The following FHIT variants were observed in gnomAD, a reference collection of about 807,000 sequenced individuals.
FHIT encodes bis(5'-adenosyl)-triphosphatase.
FHIT carries 19 observed loss-of-function variants against 17.9 expected under a neutral mutation model. The ratio of observed to expected loss-of-function variants is 1.06; its 90% CI spans 0.74 to 1.56. FHIT has a LOEUF of 1.56. FHIT is among the 40% of genes most tolerant of loss of function. The pLI is 0.00. For synonymous variants in FHIT, 81 were observed against 69.7 expected, an observed-to-expected ratio of 1.16 and a Z score of -0.81; for missense variants, 248 against 189.2, an observed-to-expected ratio of 1.31 and a Z score of -1.82.
chr3:60,079,072 G>C (rs943724590), intron 5 of FHIT, among the ~76,000 whole-genome samples: 1 of 152,120 alleles, frequency 6.6e-6, no homozygotes, highest in Non-Finnish European at 1.5e-5. Flanking sequence ...TGACTTCACA[G>C]GGTGATCGGG....
intron 8 of FHIT, among the ~76,000 whole-genome samples, chr3:59,849,061 T>C (rs1032911511): frequency 2.6e-4 from 40 of 152,146 alleles, no homozygotes; most frequent in African/African-American, 9.4e-4. Context: ...CTAATGTATA[T>C]AGTTGTTTGT....
At chr3:61,050,424 ACAAAACCAT>A (rs2033983091) in intron 2 of FHIT, among the ~76,000 whole-genome samples, 1 of 152,204 alleles carries the variant, frequency 6.6e-6, no homozygotes, top group South Asian at 2.1e-4. Flanking sequence ...TCTGACTTGA[ACAAAACCAT>A]CAACAAAAGA....
At chr3:60,435,999 T>C (rs2030202295) in intron 5 of FHIT, among the ~76,000 whole-genome samples, 1 of 152,170 alleles carries the variant, frequency 6.6e-6, no homozygotes, top group Non-Finnish European at 1.5e-5. Context: ...TTGTTCTCTT[T>C]TATGGCTGCA....
intron 8 of FHIT, among the ~76,000 whole-genome samples, chr3:59,878,064 T>C (rs1308562871): frequency 6.6e-6 from 1 of 152,214 alleles, no homozygotes; most frequent in Non-Finnish European, 1.5e-5. Flanking sequence ...AGGTTAATAG[T>C]TGTACCATTA....
chr3:60,260,386 G>C (rs149429671), intron 5 of FHIT, among the ~76,000 whole-genome samples: 3,490 of 151,126 alleles, frequency 0.023, 63 homozygotes, highest in Middle Eastern at 0.082. Context: ...AGTGTCAGGA[G>C]AAACAAAGTG....
intron 5 of FHIT, among the ~76,000 whole-genome samples, chr3:60,286,070 C>T (rs1241620296): frequency 6.6e-6 from 1 of 152,130 alleles, no homozygotes; most frequent in African/African-American, 2.4e-5. Flanking sequence ...CACCAACATG[C>T]ATGAGGTGAA....
At chr3:59,804,719 C>A (rs931848939) in intron 8 of FHIT, among the ~76,000 whole-genome samples, 7 of 152,230 alleles carry the variant, frequency 4.6e-5, no homozygotes, top group African/African-American at 1.4e-4. Context: ...GTGAATCAGC[C>A]TTATGTTCCC....
At chr3:60,077,914 T>G (rs1703104411) in intron 5 of FHIT, among the ~76,000 whole-genome samples, 1 of 152,102 alleles carries the variant, frequency 6.6e-6, no homozygotes, top group Non-Finnish European at 1.5e-5. Context: ...ATTTGCTTTA[T>G]GTAGTAACCA....
intron 8 of FHIT, among the ~76,000 whole-genome samples, chr3:59,858,593 A>G (rs981148033): frequency 5.3e-5 from 8 of 151,780 alleles, no homozygotes; most frequent in Non-Finnish European, 1.2e-4. Flanking sequence ...TGTCTTGTGG[A>G]GGTGGGTAGT....
At chr3:60,553,734 C>T (rs1266531649) in intron 4 of FHIT, among the ~76,000 whole-genome samples, 1 of 151,972 alleles carries the variant, frequency 6.6e-6, no homozygotes, top group Non-Finnish European at 1.5e-5. Context: ...AAACCAAACA[C>T]AGGTGATGAA....
intron 5 of FHIT, among the ~76,000 whole-genome samples, chr3:60,496,276 T>A (rs771290954): frequency 6.6e-5 from 10 of 151,992 alleles, no homozygotes; most frequent in Non-Finnish European, 1.5e-4. Context: ...AGGATTTAAA[T>A]CTAGAATATA....
At chr3:60,920,523 T>G (rs1553768099) in intron 3 of FHIT, among the ~76,000 whole-genome samples, 1 of 152,068 alleles carries the variant, frequency 6.6e-6, no homozygotes, top group East Asian at 1.9e-4. Flanking sequence ...AAAGGCCTCC[T>G]TCAGAAGGTA....
At chr3:61,204,527 A>T (rs946081545) in intron 1 of FHIT, among the ~76,000 whole-genome samples, 4 of 152,236 alleles carry the variant, frequency 2.6e-5, no homozygotes, top group Admixed American at 6.5e-5. Flanking sequence ...GAAGGGAGAA[A>T]GAAGCAAAGG....
chr3:59,857,714 T>TTTTGTTTTG (rs1383203940), intron 8 of FHIT, among the ~76,000 whole-genome samples: 1 of 149,786 alleles, frequency 6.7e-6, no homozygotes, highest in African/African-American at 2.5e-5. Flanking sequence ...GGTTTTTTTT[T>TTTTGTTTTG]TTTTTTTTGT....
intron 8 of FHIT, among the ~76,000 whole-genome samples, chr3:59,911,983 C>A (rs574405728): frequency 3.3e-5 from 5 of 152,278 alleles, no homozygotes; most frequent in African/African-American, 4.8e-5. Flanking sequence ...GAGAAAAGAA[C>A]CCAGACTCTG....
intron 5 of FHIT, among the ~76,000 whole-genome samples, chr3:60,043,411 C>G (rs548378181): frequency 1.8e-4 from 27 of 152,300 alleles, no homozygotes; most frequent in African/African-American, 5.5e-4. Context: ...GTGCCAGGCA[C>G]TTACCATGAT....
intron 4 of FHIT, among the ~76,000 whole-genome samples, chr3:60,599,229 C>G (rs1406481262): frequency 1.3e-5 from 2 of 152,100 alleles, no homozygotes; most frequent in Non-Finnish European, 2.9e-5. Context: ...TGTTAGAACA[C>G]AAAGGGGCTC....
intron 5 of FHIT, among the ~76,000 whole-genome samples, chr3:60,024,305 A>T (rs1700658148): frequency 6.6e-6 from 1 of 152,234 alleles, no homozygotes; most frequent in Admixed American, 6.5e-5. Flanking sequence ...ATATGAATCA[A>T]CGTCTTTCTC....
At chr3:60,920,261 G>C (rs1370177613) in intron 3 of FHIT, among the ~76,000 whole-genome samples, 1 of 152,022 alleles carries the variant, frequency 6.6e-6, no homozygotes, top group African/African-American at 2.4e-5. Context: ...AATGGGGGAG[G>C]GTCATGTGAG....
Sources: gnomAD v4.1 joint callset for allele counts (sites outside exome capture counted in the v4.1 genomes callset) on GRCh38, gnomAD v4.1.1 for gene constraint, MANE v1.5 for transcripts, NCBI Gene and HGNC (gene_info 2026-07-23, HGNC 2026-07-21) for gene names.